The following MND1 variants were observed in gnomAD, a reference collection of about 807,000 sequenced individuals.
MND1 encodes meiotic nuclear divisions 1.
MND1 carries 28 observed loss-of-function variants against 35.1 expected under a neutral mutation model. The ratio of observed to expected loss-of-function variants is 0.80; its 90% confidence interval spans 0.59 to 1.09. The LOEUF is 1.09. Ranked by LOEUF, MND1 falls within the 50% of genes least tolerant of loss-of-function variation. The pLI, the probability that MND1 is intolerant of heterozygous loss-of-function variation, is 0.00. For synonymous variants in MND1, 69 were observed against 70.5 expected, an observed-to-expected ratio of 0.98 and a Z score of 0.11; for missense variants, 213 against 239.6, an observed-to-expected ratio of 0.89 and a Z score of 0.73.
At chr4:153,354,021 C>T (rs1773283281) in intron 2 of MND1, among the ~76,000 whole-genome samples, 1 of 152,136 alleles carries the variant, frequency 6.6e-6, no homozygotes, top group Admixed American at 6.5e-5. Flanking sequence ...TGTCCAGCCA[C>T]AGTATTTCTT....
In MND1 at chr4:153,414,855, TA is replaced by T; in HGVS notation, c.*2del. 1 of 1,327,902 alleles carries T rather than the reference TA, an allele frequency of 7.5e-7. No individual in the cohort carries two copies. The highest frequency in any genetic ancestry group is 1.0e-6 in the Non-Finnish European group (1 of 956,494). 82.3% of individuals were successfully genotyped at this position (1,327,902 alleles called of 1,614,324 possible). A position where few individuals can be genotyped will look rare whatever the true frequency, so the allele number is the denominator to read the frequency against. On this transcript the variant is annotated frameshift_variant and stop_lost, in exon 8 of 8. Coordinates refer to ENST00000240488, the MANE Select transcript of MND1 (RefSeq NM_032117.4). LOFTEE classifies it high-confidence loss of function. ...GIPEDFDYID[*>X] ...TCCAGAAGACTTTGACTACATAGAC[TA>T]AAATATTCCATGGTGGTGAAGGATG...
At chr4:153,381,687 TA>T in intron 4 of MND1, 1 of 27,520 alleles carries the variant, frequency 3.6e-5, no homozygotes, top group Admixed American at 4.4e-4. Flanking sequence ...TATATATATA[TA>T]TATATTTTTT....
intron 7 of MND1, among the ~76,000 whole-genome samples, chr4:153,412,448 C>G (rs1729709242): frequency 6.6e-6 from 1 of 151,058 alleles, no homozygotes; most frequent in African/African-American, 2.4e-5. Context: ...TGTCCTCTCA[C>G]AGTTTTTCCT....
chr4:153,398,613 T>C (rs1729264302), intron 6 of MND1, among the ~76,000 whole-genome samples: 1 of 152,152 alleles, frequency 6.6e-6, no homozygotes. Flanking sequence ...TTACCCAGGG[T>C]GATTTTCAAA....
chr4:153,346,884 A>G (rs1773088790), intron 1 of MND1, among the ~76,000 whole-genome samples: 1 of 152,242 alleles, frequency 6.6e-6, no homozygotes, highest in Non-Finnish European at 1.5e-5. Flanking sequence ...GTGCAGCGAC[A>G]CACTGAAATT....
At chr4:153,405,948 C>T (rs756998290) in intron 6 of MND1, among the ~76,000 whole-genome samples, 11 of 151,994 alleles carry the variant, frequency 7.2e-5, no homozygotes, top group African/African-American at 1.2e-4. Flanking sequence ...GGACTACAGG[C>T]GCCCACCACC....
chr4:153,344,694 C>G lies in MND1; in HGVS notation c.-44C>G, dbSNP rs1332131564. 4 of 1,563,026 alleles carry G rather than the reference C, an allele frequency of 2.6e-6. No homozygotes were observed. Among genetic ancestry groups the G allele is most frequent in the Non-Finnish European group, 3.5e-6 (4 of 1,154,210 alleles). ...GCGTCCTGGCCTGTCCCGCCCCTCT[C>G]CCCAAGCGCGGGCCCGGCCAGCGGA... On this transcript the variant is annotated 5_prime_UTR_variant, in exon 1 of 8. Transcript: ENST00000240488.
At chr4:153,382,489 T>C (rs1311773934) in intron 4 of MND1, among the ~76,000 whole-genome samples, 1 of 152,190 alleles carries the variant, frequency 6.6e-6, no homozygotes, top group Non-Finnish European at 1.5e-5. Flanking sequence ...CCAAGTCCTC[T>C]TGAACCATTC....
intron 4 of MND1, among the ~76,000 whole-genome samples, chr4:153,377,702 G>A (rs1416259401): frequency 6.6e-6 from 1 of 152,166 alleles, no homozygotes; most frequent in African/African-American, 2.4e-5. Context: ...AAAGATCTGT[G>A]GGAGCTCATA....
At chr4:153,365,355 A>C (rs1773609069) in intron 4 of MND1, among the ~76,000 whole-genome samples, 1 of 152,192 alleles carries the variant, frequency 6.6e-6, no homozygotes, top group Non-Finnish European at 1.5e-5. Context: ...ATAAGAGAAA[A>C]AACTCTAGAA....
chr4:153,349,303 G>A (rs1241277983), intron 1 of MND1, among the ~76,000 whole-genome samples: 1 of 152,052 alleles, frequency 6.6e-6, no homozygotes, highest in African/African-American at 2.4e-5. Context: ...TTTCTACTTG[G>A]ATAGGCCTTT....
intron 4 of MND1, among the ~76,000 whole-genome samples, chr4:153,383,767 C>T (rs1354048911): frequency 6.6e-6 from 1 of 152,210 alleles, no homozygotes; most frequent in Non-Finnish European, 1.5e-5. Context: ...GATCCCATTT[C>T]ATTGGACAAA....
chr4:153,347,962 C>T (rs985905708), intron 1 of MND1, among the ~76,000 whole-genome samples: 10 of 152,138 alleles, frequency 6.6e-5, no homozygotes, highest in South Asian at 4.2e-4. Flanking sequence ...TACTCAGAAA[C>T]GTCTGGATGT....
chr4:153,387,345 T>C (rs1561071355), intron 4 of MND1, among the ~76,000 whole-genome samples: 1 of 152,090 alleles, frequency 6.6e-6, no homozygotes, highest in Non-Finnish European at 1.5e-5. Flanking sequence ...TCTCTATTGC[T>C]GAGACAGGTA....
At chr4:153,354,628 A>C (rs181269248) in intron 2 of MND1, among the ~76,000 whole-genome samples, 1 of 152,006 alleles carries the variant, frequency 6.6e-6, no homozygotes, top group African/African-American at 2.4e-5. Flanking sequence ...TCAGCCTCCC[A>C]TGTATCTAGG....
At chr4:153,366,763 T>C (rs186922133) in intron 4 of MND1, among the ~76,000 whole-genome samples, 76 of 152,368 alleles carry the variant, frequency 5.0e-4, no homozygotes, top group African/African-American at 1.8e-3. Flanking sequence ...CTGGTATTTA[T>C]TGAGCACTTG....
At chr4:153,405,844 A>C (rs1256247448) in intron 6 of MND1, among the ~76,000 whole-genome samples, 1 of 152,082 alleles carries the variant, frequency 6.6e-6, no homozygotes, top group Non-Finnish European at 1.5e-5. Flanking sequence ...TCACTCTGTC[A>C]CCCAGGCTGG....
Position 153,344,722 on chromosome 4 carries a change from C to T in MND1, c.-16C>T, listed in dbSNP as rs760522539. 5.0e-6 allele frequency: 8 copies of T among 1,592,120 alleles called. No individual in the cohort carries two copies. In the East Asian group the frequency reaches 1.4e-4, roughly 28 times the overall value. ...CAAGCGCGGGCCCGGCCAGCGGAAG[C>T]CCCTGCGCCCGCGCCATGGTAAGGA... On this transcript the variant is annotated 5_prime_UTR_variant, in exon 1 of 8. Coordinates refer to ENST00000240488, the MANE Select transcript of MND1 (RefSeq NM_032117.4).
intron 7 of MND1, 78 bp downstream of exon 7, chr4:153,409,093 G>A: frequency 2.4e-6 from 2 of 818,494 alleles, no homozygotes; most frequent in Non-Finnish European, 3.5e-6. Flanking sequence ...CAGATACCTT[G>A]TGCTAGCTTT....
Sources: allele counts gnomAD v4.1 joint callset (sites outside exome capture counted in the v4.1 genomes callset), GRCh38; gene constraint gnomAD v4.1.1; transcripts MANE v1.5; gene names NCBI Gene and HGNC (gene_info 2026-07-23, HGNC 2026-07-21).